The following R3HDM1 variants were observed in gnomAD, a reference collection of about 807,000 sequenced individuals.
R3HDM1 encodes the protein R3H domain containing 1, also known as R3H domain-containing protein 1.
R3HDM1 carries 46 observed loss-of-function variants against 141.1 expected under a neutral mutation model. That is an observed-to-expected ratio of 0.33 (90% CI 0.26 to 0.42). The LOEUF (loss-of-function observed/expected upper bound fraction) is 0.42, where lower values mean the gene tolerates loss of function less well. Among genes scored for constraint, R3HDM1 ranks in the 10% least tolerant of loss-of-function variants. The pLI is 1.00. For synonymous variants in R3HDM1, 435 were observed against 472.9 expected, an observed-to-expected ratio of 0.92 and a Z score of 1.04; for missense variants, 1,184 against 1,368.3, an observed-to-expected ratio of 0.87 and a Z score of 2.12.
chr2:135,556,644 G>A (rs1317523517), intron 1 of R3HDM1, among the ~76,000 whole-genome samples: 2 of 151,142 alleles, frequency 1.3e-5, no homozygotes, highest in East Asian at 2.0e-4. Flanking sequence ...TCAGCCTCAC[G>A]AGTAGCTGGG....
At chr2:135,533,147 T>TA (rs1179969056) in intron 1 of R3HDM1, among the ~76,000 whole-genome samples, 1 of 152,102 alleles carries the variant, frequency 6.6e-6, no homozygotes. Context: ...TGGTATCTAT[T>TA]AAAAAAATGA....
intron 18 of R3HDM1, among the ~76,000 whole-genome samples, chr2:135,658,785 C>A (rs1213710173): frequency 6.6e-6 from 1 of 152,048 alleles, no homozygotes; most frequent in African/African-American, 2.4e-5. Context: ...TATCCTTATT[C>A]TAAAGTCTTC....
At chr2:135,550,276 T>A (rs1457702041) in intron 1 of R3HDM1, 1 of 951,620 alleles carries the variant, frequency 1.1e-6, no homozygotes, top group East Asian at 1.2e-4. Flanking sequence ...AGCATTTAAG[T>A]TTTATTTGTG....
intron 18 of R3HDM1, among the ~76,000 whole-genome samples, chr2:135,654,836 A>G (rs1003894502): frequency 1.5e-5 from 2 of 132,728 alleles, no homozygotes; most frequent in Non-Finnish European, 3.3e-5. Flanking sequence ...ATCTCTTTTC[A>G]GTTTTTTGGA....
chr2:135,701,408 AT>A (rs1283469407), intron 21 of R3HDM1, among the ~76,000 whole-genome samples: 1 of 152,132 alleles, frequency 6.6e-6, no homozygotes, highest in African/African-American at 2.4e-5. Context: ...CCAAAAAATA[AT>A]AATAAAGTAA....
intron 1 of R3HDM1, among the ~76,000 whole-genome samples, chr2:135,532,145 G>T (rs1694989968): frequency 6.6e-6 from 1 of 152,226 alleles, no homozygotes; most frequent in African/African-American, 2.4e-5. Flanking sequence ...CCCCACGGCC[G>T]CATCCCCTGG....
chr2:135,714,875 T>G (rs1315277069), intron 23 of R3HDM1, among the ~76,000 whole-genome samples: 2 of 152,164 alleles, frequency 1.3e-5, no homozygotes, highest in African/African-American at 4.8e-5. Flanking sequence ...TCTAATGAAA[T>G]TATTTAAATA....
chr2:135,631,678 G>A, intron 7 of R3HDM1, 40 bp from the exon 8 acceptor site: 3 of 1,481,622 alleles, frequency 2.0e-6, no homozygotes, highest in South Asian at 2.7e-5. Flanking sequence ...TTACTTCATT[G>A]CTAAGTTTTA....
At chr2:135,607,393 C>T (rs2060169619) in intron 3 of R3HDM1, 1 of 938,212 alleles carries the variant, frequency 1.1e-6, no homozygotes, top group South Asian at 4.9e-5. Context: ...GCAATTCCTC[C>T]AGCTATAAAA....
At chr2:135,531,739 G>C (rs1490130955) in intron 1 of R3HDM1, 106 bp downstream of exon 1, 2 of 985,814 alleles carry the variant, frequency 2.0e-6, no homozygotes, top group African/African-American at 3.5e-5. Context: ...GAGGCAGGCA[G>C]GGGAGAGATG....
At chr2:135,719,036 T>A (rs1331039796) in intron 24 of R3HDM1, among the ~76,000 whole-genome samples, 1 of 151,972 alleles carries the variant, frequency 6.6e-6, no homozygotes, top group East Asian at 1.9e-4. Context: ...TAATCTCAGC[T>A]ACTCAGGAGG....
At chr2:135,613,131 G>A (rs9677401) in intron 3 of R3HDM1, among the ~76,000 whole-genome samples, 11,756 of 152,274 alleles carry the variant, frequency 0.077, 1,501 homozygotes, top group African/African-American at 0.27. Flanking sequence ...GCCCAACTGT[G>A]TTGTCCGCTT....
chr2:135,675,980 T>A (rs1205975939), intron 20 of R3HDM1, among the ~76,000 whole-genome samples: 1 of 152,192 alleles, frequency 6.6e-6, no homozygotes, highest in African/African-American at 2.4e-5. Flanking sequence ...GACTGATTTT[T>A]TTCCTTCCTC....
intron 17 of R3HDM1, chr2:135,650,713 G>C: frequency 5.1e-6 from 5 of 982,270 alleles, no homozygotes; most frequent in Non-Finnish European, 6.0e-6. Context: ...AGTTGGGGAA[G>C]AGAAAAACCA....
intron 16 of R3HDM1, among the ~76,000 whole-genome samples, chr2:135,646,382 G>A (rs1354713713): frequency 2.0e-5 from 3 of 151,338 alleles, no homozygotes; most frequent in Admixed American, 6.6e-5. Context: ...TGATCCACCC[G>A]CCTCGGCCTC....
At chr2:135,694,484 A>C (rs2105388355) in intron 21 of R3HDM1, among the ~76,000 whole-genome samples, 1 of 152,338 alleles carries the variant, frequency 6.6e-6, no homozygotes, top group East Asian at 1.9e-4. Context: ...GGAGTAATAT[A>C]GACTGGATTT....
intron 6 of R3HDM1, 128 bp downstream of exon 6, chr2:135,621,736 A>G (rs954840456): frequency 7.8e-7 from 1 of 1,283,974 alleles, no homozygotes; most frequent in Non-Finnish European, 1.0e-6. Flanking sequence ...GAAGGATGAT[A>G]CAGTACTTAA....
chr2:135,625,731 C>T (rs1404465272), intron 7 of R3HDM1, among the ~76,000 whole-genome samples: 1 of 151,998 alleles, frequency 6.6e-6, no homozygotes. Context: ...GGTCAGTCTC[C>T]TCAACAATCA....
At position 135,616,185 on chromosome 2, in the gene R3HDM1, A is replaced by G; in HGVS notation, c.205A>G (p.Arg69Gly). ...GCAGTCATTTGGACAGACAGGAAAAAGGTCTAAGGTATAGTAAATATTTTG... is the reference window on the plus strand; with the variant it reads ...GCAGTCATTTGGACAGACAGGAAAAGGGTCTAAGGTATAGTAAATATTTTG... Reference protein sequence around the residue: ...PLQSFGQTGKRSKSSSKLKLV... With the variant: ...PLQSFGQTGKGSKSSSKLKLV... The change falls in exon 4 of 27, where the codon AGG becomes GGG. Residue 69 changes from arginine to glycine, a missense_variant. By Grantham distance (125) the Arg-to-Gly change is moderately radical (BLOSUM62 -2). Transcript: ENST00000683871. 2 of 1,611,476 alleles carry G rather than the reference A, an allele frequency of 1.2e-6. No individual in the cohort carries two copies. Among genetic ancestry groups the G allele is most frequent in the Admixed American group, 1.7e-5 (1 of 59,980 alleles).
Sources: gnomAD v4.1 joint callset for allele counts (sites outside exome capture counted in the v4.1 genomes callset) on GRCh38, gnomAD v4.1.1 for gene constraint, MANE v1.5 for transcripts, NCBI Gene and HGNC (gene_info 2026-07-23, HGNC 2026-07-21) for gene names.